The following ITSN1 variants were observed in gnomAD, a reference collection of about 807,000 sequenced individuals.
ITSN1 encodes the protein intersectin-1.
A neutral mutation model predicts 239.8 loss-of-function variants in ITSN1; 58 were observed. That is an observed-to-expected ratio of 0.24 (90% CI 0.20 to 0.30). The LOEUF (loss-of-function observed/expected upper bound fraction) is 0.30. Among genes scored for constraint, ITSN1 ranks in the 10% least tolerant of loss-of-function variants. The pLI, the probability that ITSN1 is intolerant of heterozygous loss-of-function variation, is 1.00. For missense variants in ITSN1, 1,558 were observed against 2,103.3 expected, an observed-to-expected ratio of 0.74 and a Z score of 5.07; for synonymous variants, 780 against 770.8, an observed-to-expected ratio of 1.01 and a Z score of -0.20.
intron 1 of ITSN1, among the ~76,000 whole-genome samples, chr21:33,652,280 T>G (rs921811377): frequency 3.5e-4 from 54 of 152,132 alleles, no homozygotes; most frequent in African/African-American, 1.2e-3. Context: ...TATAGTTATT[T>G]AGGAGAATGT....
chr21:33,678,223 A>G (rs1380561364), intron 1 of ITSN1, among the ~76,000 whole-genome samples: 1 of 152,130 alleles, frequency 6.6e-6, no homozygotes, highest in Non-Finnish European at 1.5e-5. Context: ...AGAACTAACT[A>G]GAAGCTACCT....
chr21:33,861,948 A>AAAAT (rs200952715), intron 31 of ITSN1, among the ~76,000 whole-genome samples: 6,136 of 141,784 alleles, frequency 0.043, 254 homozygotes, highest in African/African-American at 0.085. Flanking sequence ...TCCGTCTCAA[A>AAAAT]AAATAAATAA....
intron 1 of ITSN1, among the ~76,000 whole-genome samples, chr21:33,683,321 G>A (rs950487662): frequency 3.3e-5 from 5 of 152,030 alleles, no homozygotes; most frequent in Non-Finnish European, 7.4e-5. Flanking sequence ...TTTTTGTGAC[G>A]GATGTGCTAG....
intron 39 of ITSN1, among the ~76,000 whole-genome samples, chr21:33,887,098 G>A (rs535146254): frequency 1.3e-4 from 19 of 151,996 alleles, no homozygotes; most frequent in Non-Finnish European, 2.4e-4. Flanking sequence ...CAGGAGGATC[G>A]CTTAAGCCCA....
chr21:33,665,037 G>C (rs776681238), intron 1 of ITSN1, among the ~76,000 whole-genome samples: 24 of 152,146 alleles, frequency 1.6e-4, no homozygotes, highest in Non-Finnish European at 3.2e-4. Context: ...GGCCGAGGTG[G>C]GTGGATCACG....
At chr21:33,690,579 A>T (rs2091463424) in intron 1 of ITSN1, among the ~76,000 whole-genome samples, 1 of 149,402 alleles carries the variant, frequency 6.7e-6, no homozygotes, top group Non-Finnish European at 1.5e-5. Flanking sequence ...CAGCCTGGGC[A>T]ACAGAGCGAG....
At chr21:33,826,787 A>C (rs780429558) in intron 25 of ITSN1, 31 bp from the exon 26 acceptor site, 8 of 1,606,926 alleles carry the variant, frequency 5.0e-6, no homozygotes, top group Non-Finnish European at 6.8e-6. Flanking sequence ...AAACTTCAGC[A>C]TGCAAATGAG....
chr21:33,771,840 A>G (rs2069186796), intron 11 of ITSN1, among the ~76,000 whole-genome samples: 1 of 152,182 alleles, frequency 6.6e-6, no homozygotes, highest in African/African-American at 2.4e-5. Context: ...ACTGCTAGAT[A>G]AGGATCTTTT....
At chr21:33,733,715 T>C (rs2066328056) in intron 4 of ITSN1, among the ~76,000 whole-genome samples, 1 of 152,174 alleles carries the variant, frequency 6.6e-6, no homozygotes, top group Non-Finnish European at 1.5e-5. Context: ...AGAAAAATGA[T>C]GCTCAGGTTC....
intron 1 of ITSN1, among the ~76,000 whole-genome samples, chr21:33,649,493 C>T (rs1323790091): frequency 1.3e-5 from 2 of 152,164 alleles, no homozygotes; most frequent in African/African-American, 4.8e-5. Flanking sequence ...TATTAGCTTA[C>T]TGCCCAGAGA....
At chr21:33,885,365 T>C (rs1485010201) in intron 37 of ITSN1, 74 bp from the exon 38 acceptor site, 10 of 1,345,308 alleles carry the variant, frequency 7.4e-6, no homozygotes, top group South Asian at 1.2e-5. Flanking sequence ...ATGAAATGCA[T>C]TGTGAGGCTC....
chr21:33,797,662 C>T lies in ITSN1; in HGVS notation c.2182+54C>T. The T allele has an allele frequency of 2.7e-6, 4 of 1,472,556 alleles. No homozygotes were observed. Among genetic ancestry groups the T allele is most frequent in the Non-Finnish European group, 3.8e-6 (4 of 1,065,124 alleles). The allele number at this position is 1,472,556 out of a possible 1,614,324, so 91.2% of individuals were successfully genotyped here. ...AATAAGTCATCTTCTCTCCCAGAGC[C>T]TCCTGAAAAATGCCCCTATCTCATC... On this transcript the variant is annotated intron_variant, in intron 18 of 39. Transcript: ENST00000381318. This position sits in a 1 kb window ranked among gnomAD's most constrained non-coding sequence, Gnocchi z 4.9.
chr21:33,704,338 C>G (rs370049808), intron 1 of ITSN1, among the ~76,000 whole-genome samples: 4 of 152,126 alleles, frequency 2.6e-5, no homozygotes, highest in Non-Finnish European at 4.4e-5. Flanking sequence ...TTTCTTCTTT[C>G]GTTTTCCAGT....
intron 39 of ITSN1, 111 bp from the exon 40 acceptor site, chr21:33,888,041 G>C: frequency 9.3e-7 from 1 of 1,071,700 alleles, no homozygotes; most frequent in Non-Finnish European, 1.4e-6. Flanking sequence ...TCAGAGCCCA[G>C]AGAAGAAGGG....
chr21:33,786,763 A>T (rs2070709972), intron 16 of ITSN1, among the ~76,000 whole-genome samples: 1 of 152,210 alleles, frequency 6.6e-6, no homozygotes, highest in African/African-American at 2.4e-5. Flanking sequence ...GTTCCTGTCT[A>T]GTCAGTGTGT....
intron 16 of ITSN1, among the ~76,000 whole-genome samples, chr21:33,785,180 A>C (rs1013780414): frequency 6.6e-6 from 1 of 152,200 alleles, no homozygotes; most frequent in African/African-American, 2.4e-5. Context: ...CAGAGTACAG[A>C]ATTTTAAAAT....
chr21:33,860,157 A>G (rs1016734744), intron 31 of ITSN1, among the ~76,000 whole-genome samples: 3 of 152,050 alleles, frequency 2.0e-5, no homozygotes, highest in Non-Finnish European at 4.4e-5. Flanking sequence ...AAATACAAAA[A>G]GTAGCCGGGT....
chr21:33,850,310 G>A lies in ITSN1; in HGVS notation c.3662-6426G>A, dbSNP rs1003209098. On this transcript the variant is annotated intron_variant, in intron 29 of 39. Coordinates refer to ENST00000381318, the MANE Select transcript of ITSN1 (RefSeq NM_003024.3). Reference sequence around the variant, plus strand: ...AGGACCCAGCTACATGGGGCAAGATGTGTCACCAGGACAGGCTGGGTGGGA... The same window carrying A: ...AGGACCCAGCTACATGGGGCAAGATATGTCACCAGGACAGGCTGGGTGGGA... Among the ~76,000 whole-genome samples the A allele has an allele frequency of 2.0e-4, 30 of 152,312 alleles. No homozygotes were observed. In the East Asian group the frequency reaches 5.6e-3, roughly 28 times the overall value.
At chr21:33,648,382 C>T (rs1243728975) in intron 1 of ITSN1, among the ~76,000 whole-genome samples, 4 of 152,200 alleles carry the variant, frequency 2.6e-5, no homozygotes, top group Non-Finnish European at 5.9e-5. Flanking sequence ...GAGTCCAAAA[C>T]TCTTAGCCTG....
Sources: gnomAD v4.1 joint callset for allele counts (sites outside exome capture counted in the v4.1 genomes callset) on GRCh38, gnomAD v4.1.1 for gene constraint, Gnocchi (gnomAD v3.1) non-coding constraint, MANE v1.5 for transcripts, NCBI Gene and HGNC (gene_info 2026-07-23, HGNC 2026-07-21) for gene names.